RBPJ: variants seen among roughly 807,000 people sequenced by gnomAD.
RBPJ encodes the protein recombination signal binding protein for immunoglobulin kappa J region, also known as recombining binding protein suppressor of hairless.
RBPJ carries 9 observed loss-of-function variants against 67.8 expected under a neutral mutation model. The ratio of observed to expected loss-of-function variants is 0.13; its 90% CI spans 0.08 to 0.23. RBPJ has a LOEUF of 0.23. Among genes scored for constraint, RBPJ ranks in the 10% least tolerant of loss-of-function variants. The probability of loss-of-function intolerance (pLI) is 1.00; values close to 1 mark genes in which losing one functional copy is unlikely to be tolerated. For synonymous variants in RBPJ, 198 were observed against 203.3 expected (o/e 0.97, Z 0.22); for missense variants, 305 against 595.6 (o/e 0.51, Z 5.08).
chr4:26,400,365 G>T (rs3109841), intron 2 of RBPJ, among the ~76,000 whole-genome samples: 106,750 of 152,144 alleles, frequency 0.7, 37,731 homozygotes, highest in East Asian at 0.84. Context: ...CTGCTACATA[G>T]TCCTACAATG....
intron 1 of RBPJ, among the ~76,000 whole-genome samples, chr4:26,169,848 G>A (rs1266421339): frequency 5.9e-5 from 9 of 152,306 alleles, no homozygotes; most frequent in Admixed American, 1.3e-4. Context: ...AGCAATCAGC[G>A]AGACTCCGTG....
chr4:26,199,150 G>T (rs557631661), intron 1 of RBPJ, among the ~76,000 whole-genome samples: 1 of 152,272 alleles, frequency 6.6e-6, no homozygotes, highest in African/African-American at 2.4e-5. Flanking sequence ...AAGTGATTAA[G>T]AATTCCTGCC....
the RBPJ span, among the ~76,000 whole-genome samples, chr4:26,146,024 C>A: frequency 1.3e-5 from 2 of 152,174 alleles, no homozygotes; most frequent in Non-Finnish European, 2.9e-5. Context: ...ACAGCCTTGA[C>A]CTTCTGGGCT....
At chr4:26,319,878 G>A, upstream of RBPJ, 1 of 1,600,988 alleles carries the variant, frequency 6.2e-7, no homozygotes, top group Non-Finnish European at 8.5e-7. Context: ...GGGAAAGATG[G>A]GGGGCTGCAG....
chr4:26,323,851 T>C (rs1723343526), intron 1 of RBPJ, among the ~76,000 whole-genome samples: 1 of 152,210 alleles, frequency 6.6e-6, no homozygotes, highest in East Asian at 1.9e-4. Flanking sequence ...TTGAAAGTTA[T>C]TATACATCTC....
At chr4:26,341,951 A>G (rs1725582852) in intron 1 of RBPJ, among the ~76,000 whole-genome samples, 1 of 152,196 alleles carries the variant, frequency 6.6e-6, no homozygotes, top group Admixed American at 6.5e-5. Context: ...AGAATAGCCA[A>G]GAAGGGATGG....
intron 1 of RBPJ, among the ~76,000 whole-genome samples, chr4:26,367,190 C>T (rs1157922169): frequency 6.7e-6 from 1 of 149,954 alleles, no homozygotes; most frequent in Non-Finnish European, 1.5e-5. Context: ...ACGCTAAAAC[C>T]TATCAGTTCA....
chr4:26,277,097 T>C (rs1180351394), intron 1 of RBPJ, among the ~76,000 whole-genome samples: 4 of 145,408 alleles, frequency 2.8e-5, no homozygotes, highest in Admixed American at 1.4e-4. Flanking sequence ...CTGGGCAACA[T>C]AGTGAGACCC....
chr4:26,119,191 A>G, the RBPJ span, among the ~76,000 whole-genome samples: 70 of 152,348 alleles, frequency 4.6e-4, no homozygotes, highest in Non-Finnish European at 8.4e-4. Context: ...CTCAGGAACC[A>G]TAAGCTTTTA....
At chr4:26,417,430 A>G (rs76727389) in intron 4 of RBPJ, among the ~76,000 whole-genome samples, 3,047 of 152,170 alleles carry the variant, frequency 0.02, 54 homozygotes, top group Non-Finnish European at 0.028. Flanking sequence ...CCCTTTCCCC[A>G]AGGCCTAGAA....
At chr4:26,168,870 T>A (rs1266144944) in intron 1 of RBPJ, among the ~76,000 whole-genome samples, 2 of 152,182 alleles carry the variant, frequency 1.3e-5, no homozygotes, top group African/African-American at 4.8e-5. Context: ...CATCGGCTCC[T>A]GAGGCTTCTG....
At chr4:26,299,371 T>C (rs1214112233) in intron 1 of RBPJ, among the ~76,000 whole-genome samples, 1 of 152,122 alleles carries the variant, frequency 6.6e-6, no homozygotes, top group Non-Finnish European at 1.5e-5. Context: ...TGTAGATCTG[T>C]AGCCACTGAT....
At chr4:26,173,687 A>T (rs1284478323) in intron 1 of RBPJ, among the ~76,000 whole-genome samples, 1 of 152,072 alleles carries the variant, frequency 6.6e-6, no homozygotes, top group East Asian at 1.9e-4. Context: ...TAACGCTTCC[A>T]CTCCCATTTG....
At position 26,433,594 on chromosome 4, in the gene RBPJ, CCTTTT is replaced by C. The variant is rs1195148882; in HGVS notation, c.*2598_*2602del. 8 of 151,812 alleles carry C rather than the reference CCTTTT, an allele frequency of 5.3e-5. No homozygotes were observed. Among genetic ancestry groups the C allele is most frequent in the Non-Finnish European group, 7.4e-5 (5 of 67,968 alleles). The allele number at this position is 151,812 out of a possible 1,614,324, so 9.4% of individuals were successfully genotyped here. A position where few individuals can be genotyped will look rare whatever the true frequency, so the allele number is the denominator to read the frequency against. On this transcript the variant is annotated 3_prime_UTR_variant, in exon 11 of 11. Transcript: ENST00000355476. ...ATAATTGAAATATTATACTGTAAAC[CCTTTT>C]CTTTTCTTTTTTTGAAAAGTCCAAG...
At chr4:26,374,878 G>A (rs887557025) in intron 1 of RBPJ, among the ~76,000 whole-genome samples, 4 of 152,084 alleles carry the variant, frequency 2.6e-5, no homozygotes, top group African/African-American at 7.2e-5. Flanking sequence ...AACAGAGTAC[G>A]TGGAAAATCA....
intron 1 of RBPJ, among the ~76,000 whole-genome samples, chr4:26,178,513 T>G (rs1263119471): frequency 7.0e-6 from 1 of 143,192 alleles, no homozygotes; most frequent in Non-Finnish European, 1.5e-5. Flanking sequence ...GAGGCTGAGG[T>G]GGGAGGACTG....
chr4:26,318,383 T>C (rs1431086502), upstream of RBPJ, among the ~76,000 whole-genome samples: 1 of 151,926 alleles, frequency 6.6e-6, no homozygotes, highest in East Asian at 1.9e-4. Context: ...GGATGAATGA[T>C]CCAAAAGGAA....
chr4:26,365,309 T>G (rs1287296831), intron 1 of RBPJ, among the ~76,000 whole-genome samples: 2 of 152,138 alleles, frequency 1.3e-5, no homozygotes, highest in Non-Finnish European at 2.9e-5. Context: ...ATGTTTTCAA[T>G]TTTTTGGGCT....
chr4:26,407,128 C>T (rs1266003728), intron 3 of RBPJ, among the ~76,000 whole-genome samples: 3 of 152,196 alleles, frequency 2.0e-5, no homozygotes, highest in Non-Finnish European at 4.4e-5. Flanking sequence ...GATACATTAG[C>T]TTATTCACAA....
Sources: gnomAD v4.1 joint callset for allele counts (sites outside exome capture counted in the v4.1 genomes callset) on GRCh38, gnomAD v4.1.1 for gene constraint, MANE v1.5 for transcripts, NCBI Gene and HGNC (gene_info 2026-07-23, HGNC 2026-07-21) for gene names.